Variants in CTPS2 observed in about 807,000 individuals in gnomAD.
CTPS2 encodes CTP synthase 2.
Under a neutral mutation model 46.8 loss-of-function variants are expected in CTPS2, and 19 were observed. The observed-to-expected ratio is 0.41, with a 90% CI of 0.28 to 0.60. CTPS2 has a LOEUF of 0.60. Among genes scored for constraint, CTPS2 ranks in the 20% least tolerant of loss-of-function variants. CTPS2 has a pLI of 0.35. For missense variants in CTPS2, 286 were observed against 447.6 expected (o/e 0.64, Z 3.26); for synonymous variants, 151 against 165.2 (o/e 0.91, Z 0.66).
intron 11 of CTPS2, among the ~76,000 whole-genome samples, chrX:16,667,988 C>T (rs1000013693): frequency 6.4e-5 from 7 of 109,151 alleles, no homozygotes; most frequent in Non-Finnish European, 9.5e-5. Flanking sequence ...GTCAACTGGG[C>T]GCAATGGCTC....
At chrX:16,606,185 G>A (rs1929963707) in intron 17 of CTPS2, among the ~76,000 whole-genome samples, 1 of 112,461 alleles carries the variant, frequency 8.9e-6, no homozygotes, top group Non-Finnish European at 1.9e-5. Flanking sequence ...TATCATCAGC[G>A]CCAACTTCTG....
intron 14 of CTPS2, among the ~76,000 whole-genome samples, chrX:16,632,326 C>T (rs753452929): frequency 9.9e-5 from 11 of 111,616 alleles, no homozygotes; most frequent in Admixed American, 8.6e-4. Context: ...TTTAAAAAAT[C>T]GAGGTATAAT....
chrX:16,592,565 G>A (rs1276550033), intron 17 of CTPS2, among the ~76,000 whole-genome samples: 2 of 111,437 alleles, frequency 1.8e-5, no homozygotes, highest in African/African-American at 3.3e-5. Context: ...AGTCATCTAC[G>A]ATCAGCAAAT....
chrX:16,599,935 T>C (rs187582237), intron 17 of CTPS2, among the ~76,000 whole-genome samples: 1 of 108,607 alleles, frequency 9.2e-6, no homozygotes, highest in African/African-American at 3.4e-5. Context: ...TGCACCACCA[T>C]GCCCAGCTAA....
chrX:16,676,104 T>C (rs752287105), intron 10 of CTPS2, among the ~76,000 whole-genome samples: 1 of 112,203 alleles, frequency 8.9e-6, no homozygotes, highest in East Asian at 2.8e-4. Context: ...TATGGCAATA[T>C]AGTTGTTTGC....
intron 17 of CTPS2, among the ~76,000 whole-genome samples, chrX:16,601,275 T>C (rs897316554): frequency 9.0e-6 from 1 of 111,125 alleles, no homozygotes; most frequent in South Asian, 3.8e-4. Context: ...AAGAGAAGCA[T>C]GCCTGGGAGA....
intron 4 of CTPS2, among the ~76,000 whole-genome samples, chrX:16,695,583 G>A (rs6527712): frequency 0.54 from 58,451 of 107,966 alleles, 12,815 homozygotes; most frequent in African/African-American, 0.82. Flanking sequence ...ATGGAGTCTC[G>A]CTCTGTTGCC....
At chrX:16,696,878 AC>A (rs762402492) in intron 4 of CTPS2, among the ~76,000 whole-genome samples, 175 of 79,639 alleles carry the variant, frequency 2.2e-3, no homozygotes, top group African/African-American at 0.012. Flanking sequence ...GTGCTCTGAT[AC>A]ATTGCATTTA....
At chrX:16,632,515 G>A (rs1295041453) in intron 14 of CTPS2, among the ~76,000 whole-genome samples, 3 of 108,603 alleles carry the variant, frequency 2.8e-5, no homozygotes, top group Non-Finnish European at 5.7e-5. Context: ...TCCGCCTCCC[G>A]GGTTCAAGCT....
intron 17 of CTPS2, among the ~76,000 whole-genome samples, chrX:16,604,497 A>G (rs1929854656): frequency 8.9e-6 from 1 of 112,076 alleles, no homozygotes; most frequent in African/African-American, 3.2e-5. Flanking sequence ...TATGAACTTT[A>G]GACTCTGATC....
chrX:16,698,923 C>A lies in CTPS2; in HGVS notation c.337G>T (p.Val113Phe). The change falls in exon 3 of 19, where the codon GTT becomes TTT. Residue 113 changes from valine (V) to phenylalanine (F), a missense_variant and splice_region_variant. Physicochemically the swap from Val to Phe is conservative, Grantham distance 50 (BLOSUM62 -1). Coordinates refer to ENST00000359276, the MANE Select transcript of CTPS2 (RefSeq NM_175859.3). ...CCATAATGTCTGTGGAATATAATAC[C>A]TTGCACTGTTTTCCCCAGGTAATCA... ...RGDYLGKTVQ[V>F]VPHITDAVQE... The A allele has an allele frequency of 8.3e-7, 1 of 1,197,900 alleles. No individual in the cohort carries two copies. Among genetic ancestry groups the A allele is most frequent in the Non-Finnish European group, 1.1e-6 (1 of 887,668 alleles).
At position 16,693,434 on chromosome X, in the gene CTPS2, T is replaced by C. The variant is rs1215566514; in HGVS notation, c.492A>G (p.Arg164=). Residue 164 remains arginine (R), a synonymous_variant, in exon 5 of 19, where the codon AGA becomes AGG. Transcript: ENST00000359276. ...IEGMPFVEAF[R]QFQFKAKREN... ...CTCTTTTCGCCTTAAACTGGAATTG[T>C]CTAAACGCCTCCACAAACGGCATTC... 8.3e-7 allele frequency: 1 copy of C among 1,210,271 alleles called. No individual in the cohort carries two copies. The highest frequency in any genetic ancestry group is 1.8e-5 in the South Asian group (1 of 56,896).
rs774156851 is a variant in CTPS2, at chrX:16,638,834, C to A, written c.1393+313G>T. ...AACTGAGTGTGAATCAGTCCAAGTCCCAGTCCAAGTTCATCTCCAGGAGCA... is the reference window on the plus strand; with the variant it reads ...AACTGAGTGTGAATCAGTCCAAGTCACAGTCCAAGTTCATCTCCAGGAGCA... On this transcript the variant is annotated intron_variant, in intron 14 of 18. Coordinates refer to ENST00000359276, the MANE Select transcript of CTPS2 (RefSeq NM_175859.3). 5 of 425,966 alleles carry A rather than the reference C, an allele frequency of 1.2e-5. No individual in the cohort carries two copies. The African/African-American group carries it at 1.2e-4, about 10-fold the overall frequency. The allele number at this position is 425,966 out of a possible 1,213,427, so 35.1% of individuals were successfully genotyped here.
At chrX:16,683,920 G>A (rs953133312) in intron 8 of CTPS2, among the ~76,000 whole-genome samples, 1 of 112,016 alleles carries the variant, frequency 8.9e-6, no homozygotes, top group African/African-American at 3.2e-5. Flanking sequence ...CATGCCTGAA[G>A]AATGGTGCTG....
At chrX:16,611,369 T>C (rs1315663499) in intron 16 of CTPS2, among the ~76,000 whole-genome samples, 1 of 110,320 alleles carries the variant, frequency 9.1e-6, no homozygotes, top group Admixed American at 9.7e-5. Flanking sequence ...GAGGATCGCT[T>C]CAGCCCAGGA....
chrX:16,689,347 C>T (rs376103205), intron 8 of CTPS2, 103 bp downstream of exon 8: 194 of 831,825 alleles, frequency 2.3e-4, no homozygotes, highest in Middle Eastern at 3.9e-4. Flanking sequence ...AATGTGCACA[C>T]GCAAAATGCC....
intron 13 of CTPS2, among the ~76,000 whole-genome samples, chrX:16,657,963 TG>T (rs1932858570): frequency 8.9e-6 from 1 of 111,984 alleles, no homozygotes; most frequent in African/African-American, 3.2e-5. Context: ...CCCACCACTT[TG>T]GGAGGCTGAG....
rs1928739566 is a variant in CTPS2, at chrX:16,588,699, A to T, written c.*1118T>A. 8.9e-6 allele frequency: 1 copy of T among 112,321 alleles called. No individual in the cohort carries two copies. The highest frequency in any genetic ancestry group is 1.9e-5 in the Non-Finnish European group (1 of 53,255). The allele number at this position is 112,321 out of a possible 1,213,427, so 9.3% of individuals were successfully genotyped here. On this transcript the variant is annotated 3_prime_UTR_variant, in exon 19 of 19. Transcript: ENST00000359276. ...GGTTGCCAGCGGACAGGTGGAGGGG[A>T]AGATAGGGAGTGACTGCTAGTGTGT...
intron 1 of CTPS2, among the ~76,000 whole-genome samples, chrX:16,710,217 G>C (rs964918266): frequency 8.9e-6 from 1 of 112,227 alleles, no homozygotes. Flanking sequence ...AGGAAGAAAC[G>C]CTACAACAGA....
Sources: gnomAD v4.1 joint callset for allele counts (sites outside exome capture counted in the v4.1 genomes callset) on GRCh38, gnomAD v4.1.1 for gene constraint, MANE v1.5 for transcripts, NCBI Gene and HGNC (gene_info 2026-07-23, HGNC 2026-07-21) for gene names.